Variants in NBPF20 observed in about 807,000 individuals in gnomAD.
The protein encoded by NBPF20 is NBPF member 20, also known as NBPF family member NBPF20.
Under a neutral mutation model 68.1 loss-of-function variants are expected in NBPF20, and 90 were observed. The observed-to-expected ratio is 1.32, with a 90% CI of 1.11 to 1.58. The LOEUF (loss-of-function observed/expected upper bound fraction) is 1.58, where lower values mean the gene tolerates loss of function less well. Among genes scored for constraint, NBPF20 ranks in the 40% most tolerant of loss-of-function variants. NBPF20 has a pLI of 0.00. For missense variants in NBPF20, 816 were observed against 601.2 expected, an observed-to-expected ratio of 1.36 and a Z score of -3.74; for synonymous variants, 290 against 228.1, an observed-to-expected ratio of 1.27 and a Z score of -2.45.
the NBPF20 span, among the ~76,000 whole-genome samples, chr1:145,420,555 G>A: frequency 7.7e-6 from 1 of 129,236 alleles, no homozygotes. Context: ...ACCGAATGGG[G>A]AAGTTTCTAC....
the NBPF20 span, among the ~76,000 whole-genome samples, chr1:145,419,156 G>T: frequency 6.9e-6 from 1 of 143,950 alleles, no homozygotes; most frequent in Non-Finnish European, 1.5e-5. Flanking sequence ...AGGAAGGAAG[G>T]GAGGGAGGGT....
chr1:145,334,790 G>C (rs1661554864), intron 83 of NBPF20, among the ~76,000 whole-genome samples, 159 bp from the exon 89 acceptor site: 2 of 131,614 alleles, frequency 1.5e-5, no homozygotes, highest in African/African-American at 5.2e-5. Flanking sequence ...GGATAGACCA[G>C]GGCCAGGTAG....
At chr1:145,409,656 T>C (rs1171648800), upstream of NBPF20, among the ~76,000 whole-genome samples, 1 of 149,832 alleles carries the variant, frequency 6.7e-6, no homozygotes, top group African/African-American at 2.5e-5. Context: ...TCTCCAAACC[T>C]CTGTGATTTA....
intron 136 of NBPF20, 116 bp from the exon 142 acceptor site, chr1:145,292,605 C>T (rs1661207230): frequency 9.4e-6 from 7 of 747,714 alleles, no homozygotes; most frequent in East Asian, 4.9e-5. Context: ...GAATAGGACA[C>T]TTTGAGAGAT....
chr1:145,419,970 A>G, the NBPF20 span, among the ~76,000 whole-genome samples: 1 of 151,882 alleles, frequency 6.6e-6, no homozygotes, highest in South Asian at 2.1e-4. Flanking sequence ...TTAACCCATT[A>G]TACTGGCAAC....
chr1:145,394,942 A>G, intron 8 of NBPF20, 36 bp downstream of exon 13: 2 of 1,611,868 alleles, frequency 1.2e-6, no homozygotes, highest in Non-Finnish European at 1.7e-6. Context: ...TGGGCCATGA[A>G]CTGGAGCTTT....
the NBPF20 span, among the ~76,000 whole-genome samples, chr1:145,410,933 A>G: frequency 1.4e-5 from 2 of 138,838 alleles, no homozygotes; most frequent in Non-Finnish European, 3.1e-5. Context: ...ATACATATAT[A>G]TATGTCCTAA....
chr1:145,408,888 G>A (rs1662907053), upstream of NBPF20, among the ~76,000 whole-genome samples: 1 of 151,158 alleles, frequency 6.6e-6, no homozygotes, highest in Admixed American at 6.6e-5. Flanking sequence ...TGCTAGTATG[G>A]AGAAATTAAG....
chr1:145,403,953 T>C (rs1182471800), intron 2 of NBPF20, among the ~76,000 whole-genome samples: 9 of 148,592 alleles, frequency 6.1e-5, no homozygotes, highest in Non-Finnish European at 7.4e-5. Context: ...TGTGTGCCAA[T>C]AAATGTTCTA....
At chr1:145,400,929 G>T (rs61810794) in intron 5 of NBPF20, 130 bp downstream of exon 10, 4 of 1,157,364 alleles carry the variant, frequency 3.5e-6, no homozygotes, top group Non-Finnish European at 5.2e-6. Flanking sequence ...TCTAAGCTGG[G>T]TTATATTTCA....
At chr1:145,423,003 T>A in the NBPF20 span, among the ~76,000 whole-genome samples, 3 of 137,552 alleles carry the variant, frequency 2.2e-5, no homozygotes. Context: ...AAAAAAGAAA[T>A]GCAAAAACTA....
chr1:145,400,455 C>T (rs1349425119), exon 6 of NBPF20: 11 of 1,613,100 alleles, frequency 6.8e-6, no homozygotes, highest in East Asian at 2.2e-5. Context: ...GTTGAGTCGA[C>T]TTTGTCTTCC....
the NBPF20 span, among the ~76,000 whole-genome samples, chr1:145,425,330 C>A: frequency 6.6e-6 from 1 of 151,822 alleles, no homozygotes; most frequent in African/African-American, 2.4e-5. Context: ...CACCGCCCGC[C>A]CGGCCTGGCG....
At chr1:145,408,496 C>T (rs1342448991), upstream of NBPF20, among the ~76,000 whole-genome samples, 2 of 151,874 alleles carry the variant, frequency 1.3e-5, no homozygotes, top group African/African-American at 4.8e-5. Flanking sequence ...ATACTTACAC[C>T]ATTACTACTG....
chr1:145,372,425 G>A (rs1661767337), intron 36 of NBPF20, 87 bp downstream of exon 41: 1 of 272,002 alleles, frequency 3.7e-6, no homozygotes, highest in African/African-American at 7.4e-5. Flanking sequence ...ACATCTCTCG[G>A]GTCAGTAAGG....
Position 145,405,466 on chromosome 1 carries a change from C to A in NBPF20, c.-92G>T. Reference sequence around the variant, plus strand: ...ACTTTAGGATCCTTCACCACAAAAACAAGGTTCAAGGTGCCTCAACTCAGA... The same window carrying A: ...ACTTTAGGATCCTTCACCACAAAAAAAAGGTTCAAGGTGCCTCAACTCAGA... On this transcript the variant is annotated 5_prime_UTR_variant, in exon 1 of 138. Coordinates refer to ENST00000369373, the Ensembl canonical transcript of NBPF20. 5 of 1,544,342 alleles carry A rather than the reference C, an allele frequency of 3.2e-6. 1 individual carries two copies. The African/African-American group carries it at 7.1e-5, about 22-fold the overall frequency.
chr1:145,407,638 G>A (rs1662861910), upstream of NBPF20: 1 of 150,782 alleles, frequency 6.6e-6, no homozygotes, highest in African/African-American at 2.4e-5. Context: ...CTACTGCACA[G>A]CTAGCAGAGT....
At chr1:145,421,519 T>C in the NBPF20 span, among the ~76,000 whole-genome samples, 1 of 152,218 alleles carries the variant, frequency 6.6e-6, no homozygotes, top group Non-Finnish European at 1.5e-5. Flanking sequence ...ATTCATTCAT[T>C]CATTTAACAA....
At chr1:145,417,513 G>C in the NBPF20 span, among the ~76,000 whole-genome samples, 1 of 143,390 alleles carries the variant, frequency 7.0e-6, no homozygotes, top group Non-Finnish European at 1.5e-5. Flanking sequence ...ACTGTTAAGA[G>C]AATGGAAAAA....
Sources: gnomAD v4.1 joint callset for allele counts (sites outside exome capture counted in the v4.1 genomes callset) on GRCh38, gnomAD v4.1.1 for gene constraint, MANE v1.5 for transcripts, NCBI Gene and HGNC (gene_info 2026-07-23, HGNC 2026-07-21) for gene names.